DSTYK: variants seen among roughly 807,000 people sequenced by gnomAD.
The protein encoded by DSTYK is dual serine/threonine and tyrosine protein kinase.
In DSTYK, 34 loss-of-function variants were observed where a neutral mutation model predicts 98.7. The observed-to-expected ratio is 0.34, with a 90% CI of 0.26 to 0.46. The LOEUF (loss-of-function observed/expected upper bound fraction) is 0.46, where lower values mean the gene tolerates loss of function less well. Ranked by LOEUF, DSTYK falls within the 20% of genes least tolerant of loss-of-function variation. The pLI is 1.00. For synonymous variants in DSTYK, 462 were observed against 457.3 expected (o/e 1.01, Z -0.13); for missense variants, 962 against 1,181.7 (o/e 0.81, Z 2.73).
At chr1:205,198,968 C>T (rs1356379026) in intron 1 of DSTYK, among the ~76,000 whole-genome samples, 2 of 151,816 alleles carry the variant, frequency 1.3e-5, no homozygotes, top group African/African-American at 2.4e-5. Context: ...GGCACTAAAG[C>T]TCTTAATCTG....
chr1:205,209,095 A>ATTT (rs1659288450), intron 1 of DSTYK, among the ~76,000 whole-genome samples: 1 of 152,236 alleles, frequency 6.6e-6, no homozygotes, highest in Non-Finnish European at 1.5e-5. Context: ...AAGCCAATGA[A>ATTT]GTGAAATGCA....
chr1:205,177,115 G>A (rs1269801929), intron 2 of DSTYK, among the ~76,000 whole-genome samples: 1 of 152,140 alleles, frequency 6.6e-6, no homozygotes, highest in Non-Finnish European at 1.5e-5. Flanking sequence ...GCTGAGGCAG[G>A]AAGATCCCTT....
chr1:205,200,485 C>T (rs4333898), intron 1 of DSTYK, among the ~76,000 whole-genome samples: 74,873 of 152,024 alleles, frequency 0.49, 21,321 homozygotes, highest in Non-Finnish European at 0.63. Context: ...CAACTCCTAT[C>T]CTTATCAATG....
chr1:205,161,961 G>A (rs1657736082), intron 6 of DSTYK, 75 bp downstream of exon 6: 1 of 1,463,298 alleles, frequency 6.8e-7, no homozygotes, highest in Non-Finnish European at 9.3e-7. Context: ...ATGAAGAGCG[G>A]AGAGCGAAAT....
intron 1 of DSTYK, among the ~76,000 whole-genome samples, chr1:205,195,920 A>G (rs570267568): frequency 6.6e-6 from 1 of 152,294 alleles, no homozygotes; most frequent in Non-Finnish European, 1.5e-5. Context: ...TGAGGCTTTA[A>G]CGTATGGGAC....
intron 10 of DSTYK, among the ~76,000 whole-genome samples, chr1:205,153,856 C>T (rs1003621133): frequency 4.7e-5 from 7 of 149,424 alleles, no homozygotes; most frequent in Admixed American, 1.3e-4. Context: ...GGCATGCACA[C>T]GCCTGGCTAA....
chr1:205,179,569 C>G (rs1439680480), intron 2 of DSTYK, among the ~76,000 whole-genome samples: 3 of 147,488 alleles, frequency 2.0e-5, no homozygotes, highest in African/African-American at 7.6e-5. Flanking sequence ...TGCAGTGAGC[C>G]GAGATCGCGC....
chr1:205,202,233 T>C lies in DSTYK; in HGVS notation c.265+9038A>G, dbSNP rs1311787800. The C allele has an allele frequency of 1.2e-5, 7 of 588,054 alleles. No homozygotes were observed. In the East Asian group the frequency reaches 3.1e-4, roughly 26 times the overall value. The allele number at this position is 588,054 out of a possible 1,614,324, so 36.4% of individuals were successfully genotyped here. ...TGACCCAGAGAACCCCACAAAATCA[T>C]GCAAATCAAGAGGTTCAAATCTTCG... On this transcript the variant is annotated intron_variant, in intron 1 of 12. Coordinates refer to ENST00000367162, the MANE Select transcript of DSTYK (RefSeq NM_015375.3).
chr1:205,205,814 G>A (rs1354699908), intron 1 of DSTYK, among the ~76,000 whole-genome samples: 3 of 152,100 alleles, frequency 2.0e-5, no homozygotes, highest in African/African-American at 7.2e-5. Flanking sequence ...CATTTAAAAG[G>A]TGTGACAAAA....
intron 2 of DSTYK, among the ~76,000 whole-genome samples, chr1:205,185,191 ACTCT>A (rs757818177): frequency 1.2e-4 from 18 of 152,166 alleles, no homozygotes; most frequent in Non-Finnish European, 2.1e-4. Flanking sequence ...ACAGAGCAAG[ACTCT>A]CTCTCAAAAA....
intron 1 of DSTYK, among the ~76,000 whole-genome samples, chr1:205,191,744 T>C (rs1368673976): frequency 6.6e-6 from 1 of 152,202 alleles, no homozygotes; most frequent in Admixed American, 6.5e-5. Flanking sequence ...AGCAGTTCTC[T>C]AAAGAAGAGA....
intron 1 of DSTYK, among the ~76,000 whole-genome samples, chr1:205,193,338 T>C (rs78129424): frequency 6.6e-6 from 1 of 152,158 alleles, no homozygotes; most frequent in Non-Finnish European, 1.5e-5. Context: ...TGGGGTAATG[T>C]CAATCGATTT....
Position 205,150,857 on chromosome 1 carries a change from CCTA to C in DSTYK, c.2353-66_2353-64del. The C allele has an allele frequency of 3.8e-6, 5 of 1,310,342 alleles. No homozygotes were observed. Among genetic ancestry groups the C allele is most frequent in the Non-Finnish European group, 5.5e-6 (5 of 907,196 alleles). The allele number at this position is 1,310,342 out of a possible 1,614,324, so 81.2% of individuals were successfully genotyped here. On this transcript the variant is annotated intron_variant, in intron 10 of 12. Transcript: ENST00000367162. The surrounding 1 kb of genome is among the most constrained non-coding windows in gnomAD (Gnocchi z 4.1). The stretch of plus-strand genomic sequence containing the variant: ...ATCCTGCACACAGCACTGCTGCGTA[CCTA>C]AGCTCAAAGGTAGGTACCTCAAAGT...
chr1:205,191,404 G>C (rs117884285), intron 1 of DSTYK, among the ~76,000 whole-genome samples: 1 of 152,204 alleles, frequency 6.6e-6, no homozygotes, highest in Non-Finnish European at 1.5e-5. Flanking sequence ...GGAACAGCAC[G>C]AGAATGAAGG....
intron 2 of DSTYK, among the ~76,000 whole-genome samples, chr1:205,179,671 T>G (rs1042237677): frequency 3.4e-5 from 5 of 147,928 alleles, no homozygotes; most frequent in Admixed American, 1.3e-4. Context: ...TCCTAACAAT[T>G]CTAGCTAGGG....
chr1:205,152,407 C>T (rs921424606), intron 10 of DSTYK, among the ~76,000 whole-genome samples: 4 of 152,182 alleles, frequency 2.6e-5, no homozygotes, highest in African/African-American at 9.7e-5. Flanking sequence ...GAACTCCCAA[C>T]CTCAGGTGAT....
intron 1 of DSTYK, among the ~76,000 whole-genome samples, chr1:205,203,109 A>G (rs1025236738): frequency 2.0e-5 from 3 of 152,220 alleles, no homozygotes; most frequent in Admixed American, 6.5e-5. Context: ...AGAACTAACC[A>G]TACTGAAATC....
intron 4 of DSTYK, 31 bp from the exon 5 acceptor site, chr1:205,163,037 C>T: frequency 6.4e-7 from 1 of 1,554,782 alleles, no homozygotes; most frequent in Non-Finnish European, 8.9e-7. Context: ...GAAAACATGT[C>T]CTCAGTAGTG....
intron 1 of DSTYK, among the ~76,000 whole-genome samples, chr1:205,193,618 C>T (rs1232061756): frequency 6.6e-6 from 1 of 152,172 alleles, no homozygotes; most frequent in Non-Finnish European, 1.5e-5. Context: ...TGCCTGTAAT[C>T]CCAACACTTT....
Sources: allele counts gnomAD v4.1 joint callset (sites outside exome capture counted in the v4.1 genomes callset), GRCh38; gene constraint gnomAD v4.1.1; non-coding constraint Gnocchi (gnomAD v3.1); transcripts MANE v1.5; gene names NCBI Gene and HGNC (gene_info 2026-07-23, HGNC 2026-07-21).